The following GDI2 variants were observed in gnomAD, a reference collection of about 807,000 sequenced individuals.
GDI2 encodes rab GDP dissociation inhibitor beta.
GDI2 carries 22 observed loss-of-function variants against 54.2 expected under a neutral mutation model. The observed-to-expected ratio is 0.41, with a 90% confidence interval of 0.29 to 0.58. The LOEUF (loss-of-function observed/expected upper bound fraction) is 0.58, where lower values mean the gene tolerates loss of function less well. GDI2 is among the 20% of genes least tolerant of loss of function. The probability of loss-of-function intolerance (pLI) is 0.35; values close to 1 mark genes in which losing one functional copy is unlikely to be tolerated. For synonymous variants in GDI2, 177 were observed against 182.1 expected (o/e 0.97, Z 0.23); for missense variants, 422 against 546.0 (o/e 0.77, Z 2.26).
intron 4 of GDI2, among the ~76,000 whole-genome samples, chr10:5,794,575 C>T (rs1841107185): frequency 6.6e-6 from 1 of 152,072 alleles, no homozygotes; most frequent in Non-Finnish European, 1.5e-5. Context: ...ACAGGAAATA[C>T]TCAACAGAAA....
At chr10:5,795,049 C>G in intron 3 of GDI2, 30 bp from the exon 4 acceptor site, 1 of 1,435,468 alleles carries the variant, frequency 7.0e-7, no homozygotes, top group Non-Finnish European at 9.7e-7. Flanking sequence ...CAAACTATAA[C>G]TTAAGTCTAT....
chr10:5,774,444 C>G lies in GDI2; in HGVS notation c.720-503G>C, dbSNP rs1288772767. 6.6e-6 allele frequency among the ~76,000 whole-genome samples: 1 copy of G among 152,158 alleles called. No homozygotes were observed. Among genetic ancestry groups the G allele is most frequent in the Non-Finnish European group, 1.5e-5 (1 of 68,026 alleles). The stretch of plus-strand genomic sequence containing the variant: ...TGGTGCTGTGTGACTCGGATACATT[C>G]CCTAGTAGTAAGAGACCTCTACACC... On this transcript the variant is annotated intron_variant, in intron 6 of 10. Transcript: ENST00000380191. This position sits in a 1 kb window ranked among gnomAD's most constrained non-coding sequence, Gnocchi z 4.8.
At chr10:5,783,758 A>C (rs778333439) in intron 6 of GDI2, among the ~76,000 whole-genome samples, 5 of 152,228 alleles carry the variant, frequency 3.3e-5, no homozygotes, top group Admixed American at 6.5e-5. Flanking sequence ...AAGGAGGCTC[A>C]AGATAGGATC....
chr10:5,773,268 G>C (rs1223396261), intron 7 of GDI2, among the ~76,000 whole-genome samples: 1 of 152,154 alleles, frequency 6.6e-6, no homozygotes. Context: ...ACTTTGAAGT[G>C]CATCCTCTAC....
chr10:5,806,132 T>C (rs571574018), intron 1 of GDI2, among the ~76,000 whole-genome samples: 1 of 152,356 alleles, frequency 6.6e-6, no homozygotes, highest in Non-Finnish European at 1.5e-5. Flanking sequence ...TTGTACCAAT[T>C]TACACTTTTG....
chr10:5,789,839 G>T (rs531034661), intron 4 of GDI2, among the ~76,000 whole-genome samples: 1 of 152,202 alleles, frequency 6.6e-6, no homozygotes, highest in African/African-American at 2.4e-5. Flanking sequence ...AAGATTAACT[G>T]CAGTACATAC....
chr10:5,773,303 C>T (rs546957504), intron 7 of GDI2, among the ~76,000 whole-genome samples: 1 of 152,180 alleles, frequency 6.6e-6, no homozygotes, highest in Admixed American at 6.5e-5. Context: ...CAGATAGTAA[C>T]AGTGTCAAAT....
At position 5,776,022 on chromosome 10, in the gene GDI2, C is replaced by A; in HGVS notation, c.720-2081G>T. ...CCCTCCATGTTCCCCTGCGCCACTG[C>A]TCCCCTTCCTAAGGCTGCCACTTAC... On this transcript the variant is annotated intron_variant, in intron 6 of 10. Transcript: ENST00000380191. The surrounding 1 kb of genome is among the most constrained non-coding windows in gnomAD (Gnocchi z 5.3). 5.2e-6 allele frequency: 1 copy of A among 191,482 alleles called. No individual in the cohort carries two copies. Among genetic ancestry groups the A allele is most frequent in the Non-Finnish European group, 1.1e-5 (1 of 91,058 alleles). The allele number at this position is 191,482 out of a possible 1,614,324, so 11.9% of individuals were successfully genotyped here.
At chr10:5,779,029 A>G (rs1223217396) in intron 6 of GDI2, among the ~76,000 whole-genome samples, 1 of 152,220 alleles carries the variant, frequency 6.6e-6, no homozygotes, top group Non-Finnish European at 1.5e-5. Flanking sequence ...AAAAACAAAC[A>G]ACAGAAACAG....
chr10:5,781,488 G>A (rs964431493), intron 6 of GDI2, among the ~76,000 whole-genome samples: 12 of 151,976 alleles, frequency 7.9e-5, no homozygotes, highest in Middle Eastern at 3.4e-3. Context: ...AGCCGGGCGC[G>A]GTGGCAGGCG....
chr10:5,779,843 T>A (rs1322332532), intron 6 of GDI2, among the ~76,000 whole-genome samples: 4 of 151,726 alleles, frequency 2.6e-5, no homozygotes, highest in African/African-American at 9.7e-5. Context: ...CAGGCATGCA[T>A]CACCACACCC....
rs190743732 is a variant in GDI2 at position 5,774,862 on chromosome 10, C to G, written c.720-921G>C. Among the ~76,000 whole-genome samples, 1 of 152,270 alleles carries G rather than the reference C, an allele frequency of 6.6e-6. No homozygotes were observed. The highest frequency in any genetic ancestry group is 6.5e-5 in the Admixed American group (1 of 15,296). On this transcript the variant is annotated intron_variant, in intron 6 of 10. Coordinates refer to ENST00000380191, the MANE Select transcript of GDI2 (RefSeq NM_001494.4). This position sits in a 1 kb window ranked among gnomAD's most constrained non-coding sequence, Gnocchi z 4.8. ...GGGACTATCCACATCAGAGGCAAAT[C>G]TGCCATTTCTCTGGATTCACACCCA...
chr10:5,810,670 T>C (rs944085101), intron 1 of GDI2, among the ~76,000 whole-genome samples: 2 of 152,214 alleles, frequency 1.3e-5, no homozygotes, highest in African/African-American at 4.8e-5. Context: ...TTATGTTTCT[T>C]AGTTTGTTAA....
intron 2 of GDI2, among the ~76,000 whole-genome samples, chr10:5,800,233 C>T (rs950972124): frequency 1.3e-5 from 2 of 151,974 alleles, no homozygotes; most frequent in African/African-American, 4.8e-5. Flanking sequence ...GTTTACAACC[C>T]ATCTCAGATT....
At chr10:5,801,589 T>C (rs973055379) in intron 1 of GDI2, among the ~76,000 whole-genome samples, 14 of 151,966 alleles carry the variant, frequency 9.2e-5, no homozygotes, top group East Asian at 1.9e-4. Context: ...GGCAGGTGAA[T>C]TGCTTGAACC....
chr10:5,795,411 G>A (rs995909409), intron 3 of GDI2, among the ~76,000 whole-genome samples: 12 of 152,042 alleles, frequency 7.9e-5, no homozygotes, highest in East Asian at 1.9e-4. Flanking sequence ...ACGAGGCACC[G>A]CGCCTGGCCC....
At chr10:5,778,830 G>A (rs1182488995) in intron 6 of GDI2, among the ~76,000 whole-genome samples, 1 of 152,172 alleles carries the variant, frequency 6.6e-6, no homozygotes, top group Non-Finnish European at 1.5e-5. Context: ...TTAACAAGGT[G>A]TAAAATCCAG....
chr10:5,809,244 CA>C (rs1554791052), intron 1 of GDI2, among the ~76,000 whole-genome samples: 1 of 134,166 alleles, frequency 7.5e-6, no homozygotes, highest in African/African-American at 2.8e-5. Context: ...GACTCCATCT[CA>C]AAAAAAAACA....
intron 4 of GDI2, among the ~76,000 whole-genome samples, chr10:5,788,206 T>G (rs934781313): frequency 1.3e-5 from 2 of 151,606 alleles, no homozygotes; most frequent in Non-Finnish European, 2.9e-5. Flanking sequence ...TTTTTTTCCA[T>G]AGAAACAAGG....
Sources: gnomAD v4.1 joint callset for allele counts (sites outside exome capture counted in the v4.1 genomes callset) on GRCh38, gnomAD v4.1.1 for gene constraint, Gnocchi (gnomAD v3.1) non-coding constraint, MANE v1.5 for transcripts, NCBI Gene and HGNC (gene_info 2026-07-23, HGNC 2026-07-21) for gene names.